Variants in SPAG17 observed in about 807,000 individuals in gnomAD.
The protein encoded by SPAG17 is sperm associated antigen 17.
Under a neutral mutation model 273.6 loss-of-function variants are expected in SPAG17, and 169 were observed. The ratio of observed to expected loss-of-function variants is 0.62; its 90% CI spans 0.55 to 0.70. The LOEUF is 0.70. Among genes scored for constraint, SPAG17 ranks in the 30% least tolerant of loss-of-function variants. The pLI is 0.00. For synonymous variants in SPAG17, 825 were observed against 873.2 expected (o/e 0.94, Z 0.97); for missense variants, 2,557 against 2,627.8 (o/e 0.97, Z 0.59).
At chr1:118,134,546 T>C (rs1658233590) in intron 3 of SPAG17, among the ~76,000 whole-genome samples, 1 of 152,208 alleles carries the variant, frequency 6.6e-6, no homozygotes, top group Non-Finnish European at 1.5e-5. Context: ...CTTTTAACAG[T>C]GCCACCCCTC....
At chr1:117,972,264 A>G (rs1052155120) in intron 44 of SPAG17, among the ~76,000 whole-genome samples, 1 of 152,226 alleles carries the variant, frequency 6.6e-6, no homozygotes, top group African/African-American at 2.4e-5. Flanking sequence ...AAAGATGGAT[A>G]ATTGTTCAAG....
At position 118,028,374 on chromosome 1, in the gene SPAG17, T is replaced by G. The variant is rs754448740; in HGVS notation, c.3630A>C (p.Glu1210Asp). ...CATCCAAAGTCTCTTGTAAAACAGGTTCTGGTTCTACTTCTTCTTCCTGTA... is the reference window on the plus strand; with the variant it reads ...CATCCAAAGTCTCTTGTAAAACAGGGTCTGGTTCTACTTCTTCTTCCTGTA... ...EEKKEEEVEP[E>D]PVLQETLDVP... Residue 1210 changes from glutamate to aspartate, a missense_variant, in exon 26 of 49, where the codon GAA becomes GAC. Glu to Asp is a conservative substitution (Grantham distance 45). Transcript: ENST00000336338. 1 of 1,613,702 alleles carries G rather than the reference T, an allele frequency of 6.2e-7. No homozygotes were observed. The highest frequency in any genetic ancestry group is 8.5e-7 in the Non-Finnish European group (1 of 1,179,754).
chr1:117,975,832 G>A (rs1295435624), intron 43 of SPAG17, among the ~76,000 whole-genome samples: 2 of 152,168 alleles, frequency 1.3e-5, no homozygotes, highest in African/African-American at 2.4e-5. Context: ...CTTGCCGTAT[G>A]TGTACTACGG....
intron 46 of SPAG17, among the ~76,000 whole-genome samples, chr1:117,968,647 T>C (rs1261791508): frequency 6.6e-6 from 1 of 152,234 alleles, no homozygotes; most frequent in Non-Finnish European, 1.5e-5. Flanking sequence ...GAGCATTAAC[T>C]GAACTGCTTG....
At chr1:117,961,204 A>G (rs1571061000) in intron 48 of SPAG17, 1 of 152,252 alleles carries the variant, frequency 6.6e-6, no homozygotes, top group Admixed American at 6.5e-5. Flanking sequence ...AATCACTTGA[A>G]CCCGGCAGGC....
At chr1:118,007,692 CGG>C (rs1014179771) in intron 31 of SPAG17, among the ~76,000 whole-genome samples, 1 of 152,096 alleles carries the variant, frequency 6.6e-6, no homozygotes, top group Non-Finnish European at 1.5e-5. Flanking sequence ...AGGGTCGAGG[CGG>C]CAGGAGGTGA....
rs142122249 is a variant in SPAG17, at chr1:118,044,072, TTTA to T, written c.2815-2033_2815-2031del. Reference sequence around the variant, plus strand: ...AATTTACATAAATAATATTATATGCTTTATTATTATATGTAAATTTTGTACTAT... The same window carrying T: ...AATTTACATAAATAATATTATATGCTTTATTATATGTAAATTTTGTACTAT... On this transcript the variant is annotated intron_variant, in intron 20 of 48. Coordinates refer to ENST00000336338, the MANE Select transcript of SPAG17 (RefSeq NM_206996.4). Among the ~76,000 whole-genome samples the T allele has an allele frequency of 4.2e-3, 642 of 152,308 alleles. 4 individuals are homozygous for T. The highest frequency in any genetic ancestry group is 0.015 in the African/African-American group (610 of 41,570).
intron 32 of SPAG17, among the ~76,000 whole-genome samples, chr1:118,002,803 T>A (rs191918635): frequency 6.6e-6 from 1 of 152,224 alleles, no homozygotes; most frequent in African/African-American, 2.4e-5. Flanking sequence ...TGTCTTTTAA[T>A]TGGGGCATTT....
chr1:118,087,383 T>A (rs1185504743), intron 10 of SPAG17, among the ~76,000 whole-genome samples: 1 of 152,216 alleles, frequency 6.6e-6, no homozygotes. Flanking sequence ...ATTCATTAAA[T>A]ATTTATTAAG....
intron 4 of SPAG17, among the ~76,000 whole-genome samples, chr1:118,103,213 C>A (rs1379146464): frequency 6.6e-6 from 1 of 152,014 alleles, no homozygotes; most frequent in African/African-American, 2.4e-5. Context: ...CCGCTCCATG[C>A]CAGACAGAAA....
intron 28 of SPAG17, among the ~76,000 whole-genome samples, chr1:118,022,508 A>C (rs996085169): frequency 6.6e-6 from 1 of 152,194 alleles, no homozygotes; most frequent in African/African-American, 2.4e-5. Context: ...AATAAGATGC[A>C]TTGATTATCA....
rs148252900 is a variant in SPAG17 at position 118,054,931 on chromosome 1, C to T, written c.2722+802G>A. On this transcript the variant is annotated intron_variant, in intron 19 of 48. Coordinates refer to ENST00000336338, the MANE Select transcript of SPAG17 (RefSeq NM_206996.4). ...TGCCAAAATTTTGGAAATTATGTAG[C>T]GTTGCTTCTTTATGAGAAATCCCTC... Among the ~76,000 whole-genome samples the T allele has an allele frequency of 6.6e-3, 1,002 of 152,088 alleles. 10 individuals carry two copies. Among genetic ancestry groups the T allele is most frequent in the African/African-American group, 0.016 (659 of 41,516 alleles).
intron 27 of SPAG17, among the ~76,000 whole-genome samples, chr1:118,024,400 C>T (rs1049941447): frequency 1.3e-5 from 2 of 152,054 alleles, no homozygotes; most frequent in Non-Finnish European, 2.9e-5. Context: ...ATTTTATGAA[C>T]TGTTAACCTC....
intron 20 of SPAG17, among the ~76,000 whole-genome samples, chr1:118,043,865 CAT>C (rs1313957405): frequency 2.6e-5 from 4 of 152,180 alleles, no homozygotes; most frequent in Non-Finnish European, 4.4e-5. Context: ...ATGAGTGAGA[CAT>C]ATCCTTTCTT....
intron 43 of SPAG17, among the ~76,000 whole-genome samples, chr1:117,976,004 A>G (rs75268607): frequency 0.015 from 2,287 of 152,368 alleles, 25 homozygotes; most frequent in South Asian, 0.039. Flanking sequence ...TGATGTATAT[A>G]GCATTATTTC....
intron 1 of SPAG17, among the ~76,000 whole-genome samples, chr1:118,164,832 GA>G (rs1437385289): frequency 6.6e-6 from 1 of 152,180 alleles, no homozygotes; most frequent in Non-Finnish European, 1.5e-5. Context: ...TCTTGAGTCT[GA>G]ATTTCTTCAC....
chr1:117,980,793 T>C (rs1655714282), intron 43 of SPAG17, among the ~76,000 whole-genome samples: 1 of 152,218 alleles, frequency 6.6e-6, no homozygotes, highest in African/African-American at 2.4e-5. Flanking sequence ...TATTTTATAT[T>C]TCAATTTCTG....
At position 118,022,939 on chromosome 1, in the gene SPAG17, A is replaced by T. The variant is rs554212622; in HGVS notation, c.4069+365T>A. Among the ~76,000 whole-genome samples the T allele has an allele frequency of 1.3e-3, 202 of 152,198 alleles. 2 individuals carry two copies. Among genetic ancestry groups the T allele is most frequent in the Non-Finnish European group, 2.1e-3 (143 of 68,012 alleles). ...AATGAGGACCTCATGCCTGGAGTTG[A>T]TATACCTTCTTGCAATTATGAGGAA... On this transcript the variant is annotated intron_variant, in intron 28 of 48. Coordinates refer to ENST00000336338, the MANE Select transcript of SPAG17 (RefSeq NM_206996.4).
intron 38 of SPAG17, 151 bp from the exon 39 acceptor site, chr1:117,988,355 A>G (rs1656674800): frequency 2.1e-6 from 1 of 480,400 alleles, no homozygotes; most frequent in Admixed American, 3.8e-5. Flanking sequence ...AAGCTGTAAT[A>G]CAACAGAAAA....
Sources: gnomAD v4.1 joint callset for allele counts (sites outside exome capture counted in the v4.1 genomes callset) on GRCh38, gnomAD v4.1.1 for gene constraint, MANE v1.5 for transcripts, NCBI Gene and HGNC (gene_info 2026-07-23, HGNC 2026-07-21) for gene names.